The following TRIM24 variants were observed in gnomAD, a reference collection of about 807,000 sequenced individuals.
TRIM24 encodes transcription intermediary factor 1-alpha.
TRIM24 carries 29 observed loss-of-function variants against 123.9 expected under a neutral mutation model. The ratio of observed to expected loss-of-function variants is 0.23; its 90% CI spans 0.17 to 0.32. The LOEUF is 0.32. TRIM24 is among the 10% of genes least tolerant of loss of function. The pLI, the probability that TRIM24 is intolerant of heterozygous loss-of-function variation, is 1.00. For synonymous variants in TRIM24, 456 were observed against 461.1 expected, an observed-to-expected ratio of 0.99 and a Z score of 0.14; for missense variants, 932 against 1,295.3, an observed-to-expected ratio of 0.72 and a Z score of 4.31.
intron 1 of TRIM24, among the ~76,000 whole-genome samples, chr7:138,468,425 A>T (rs1158890270): frequency 1.3e-5 from 2 of 151,828 alleles, no homozygotes; most frequent in Non-Finnish European, 2.9e-5. Flanking sequence ...GCTTCCTATA[A>T]TGCTATGTTA....
intron 7 of TRIM24, among the ~76,000 whole-genome samples, chr7:138,546,226 G>A (rs1797099739): frequency 6.6e-6 from 1 of 152,108 alleles, no homozygotes; most frequent in African/African-American, 2.4e-5. Context: ...TCATTTGTGT[G>A]GTATTCTTGC....
chr7:138,561,526 G>A (rs953733981), intron 9 of TRIM24, among the ~76,000 whole-genome samples: 4 of 152,132 alleles, frequency 2.6e-5, no homozygotes, highest in South Asian at 2.1e-4. Flanking sequence ...AGTTATAACC[G>A]AGTGCAGTAC....
chr7:138,512,330 C>G (rs1384058854), intron 2 of TRIM24, among the ~76,000 whole-genome samples: 1 of 152,184 alleles, frequency 6.6e-6, no homozygotes, highest in African/African-American at 2.4e-5. Context: ...GCTTTCTTCT[C>G]ACAGCTCACT....
intron 11 of TRIM24, among the ~76,000 whole-genome samples, chr7:138,572,440 C>T (rs2116673982): frequency 7.9e-6 from 1 of 126,012 alleles, no homozygotes; most frequent in Admixed American, 7.6e-5. Context: ...GATTTCCCTG[C>T]CCCCGAACCC....
chr7:138,478,853 C>CT (rs1795463756), intron 1 of TRIM24, among the ~76,000 whole-genome samples: 1 of 152,152 alleles, frequency 6.6e-6, no homozygotes, highest in Non-Finnish European at 1.5e-5. Flanking sequence ...ATTAGTTAAG[C>CT]TTAAGTTCAC....
intron 9 of TRIM24, among the ~76,000 whole-genome samples, chr7:138,560,626 G>A (rs987786969): frequency 5.9e-5 from 9 of 152,190 alleles, no homozygotes; most frequent in African/African-American, 1.9e-4. Flanking sequence ...CATAGAAATG[G>A]TGTCCAAGTA....
At position 138,464,178 on chromosome 7, in the gene TRIM24, A is replaced by G. The variant is rs915872926; in HGVS notation, c.364+3266A>G. On this transcript the variant is annotated intron_variant, in intron 1 of 18. Coordinates refer to ENST00000343526, the MANE Select transcript of TRIM24 (RefSeq NM_015905.3). ...CCCGGCTAATTTTTTTATATTTTTT[A>G]GTAGAGACGGGGTTTCACCGTGTTA... is the stretch of plus-strand genomic sequence containing the variant. Among the ~76,000 whole-genome samples, 8 of 150,978 alleles carry G rather than the reference A, an allele frequency of 5.3e-5. 1 individual carries two copies. Among genetic ancestry groups the G allele is most frequent in the Admixed American group, 5.3e-4 (8 of 15,134 alleles).
intron 6 of TRIM24, 100 bp downstream of exon 6, chr7:138,529,330 G>A (rs1376065057): frequency 2.8e-5 from 17 of 615,748 alleles, no homozygotes; most frequent in Admixed American, 2.3e-4. Context: ...TTGTTTCATT[G>A]TGATTTAATA....
At chr7:138,483,094 A>T (rs1417096756) in intron 1 of TRIM24, among the ~76,000 whole-genome samples, 9 of 149,892 alleles carry the variant, frequency 6.0e-5, no homozygotes, top group African/African-American at 2.2e-4. Context: ...ATTTTTCCTC[A>T]TTTTTGTAGC....
In TRIM24 at chr7:138,554,714, G is replaced by A; in HGVS notation, c.1278G>A (p.Glu426=). 5 of 1,614,062 alleles carry A rather than the reference G, an allele frequency of 3.1e-6. No individual in the cohort carries two copies. The highest frequency in any genetic ancestry group is 4.2e-6 in the Non-Finnish European group (5 of 1,179,948). Residue 426 remains glutamate, a synonymous_variant, in exon 9 of 19, where the codon GAG becomes GAA. Coordinates refer to ENST00000343526, the MANE Select transcript of TRIM24 (RefSeq NM_015905.3). The surrounding 1 kb of genome is among the most constrained non-coding windows in gnomAD (Gnocchi z 4.5). ...TTTAATTAGGTTCTTTAGTAATCGA[G>A]GATAAAGAGAGCCAGCCACAAATGC... The part of the protein sequence containing the change: ...NIINLGSLVI[E]DKESQPQMPK...
chr7:138,480,746 GTTGGCTCAGATGTAGATGTTC>G lies in TRIM24; in HGVS notation c.364+19835_364+19855del, dbSNP rs568986890. Among the ~76,000 whole-genome samples the G allele has an allele frequency of 9.2e-5, 14 of 152,206 alleles. No homozygotes were observed. The East Asian group carries it at 2.7e-3, about 29-fold the overall frequency. On this transcript the variant is annotated intron_variant, in intron 1 of 18. Coordinates refer to ENST00000343526, the MANE Select transcript of TRIM24 (RefSeq NM_015905.3). ...CCACTAGCAGTTCATGTATGTTCCT[GTTGGCTCAGATGTAGATGTTC>G]ACTAACATTTTGTATTATCAATCTT...
intron 1 of TRIM24, among the ~76,000 whole-genome samples, chr7:138,475,029 GA>G (rs977596603): frequency 2.0e-5 from 3 of 152,180 alleles, no homozygotes; most frequent in African/African-American, 7.2e-5. Context: ...TCATTTATGT[GA>G]ATACTTCCTG....
chr7:138,521,174 T>C (rs112627078), intron 4 of TRIM24, among the ~76,000 whole-genome samples: 3,243 of 152,282 alleles, frequency 0.021, 94 homozygotes, highest in African/African-American at 0.071. Flanking sequence ...TAAACTCTCA[T>C]TTAAAGTACC....
At position 138,582,396 on chromosome 7, in the gene TRIM24, G is replaced by C. The variant is rs1164578509; in HGVS notation, c.2793+625G>C. ...TCTCTACTAAAAATACAAAAAATTA[G>C]CCAGGTGTGGTGGCAGGCGCCTGTA... is the stretch of plus-strand genomic sequence containing the variant. On this transcript the variant is annotated intron_variant, in intron 17 of 18. Coordinates refer to ENST00000343526, the MANE Select transcript of TRIM24 (RefSeq NM_015905.3). 2.6e-5 allele frequency among the ~76,000 whole-genome samples: 4 copies of C among 152,122 alleles called. No homozygotes were observed. The East Asian group carries it at 7.7e-4, about 29-fold the overall frequency.
chr7:138,508,692 T>TGTGTGTGTGTGCGCGCGCGC (rs1422176564), intron 2 of TRIM24, among the ~76,000 whole-genome samples: 47 of 137,268 alleles, frequency 3.4e-4, no homozygotes, highest in African/African-American at 1.1e-3. Context: ...TGTGTGTGTG[T>TGTGTGTGTGTGCGCGCGCGC]GCGCGCGCGT....
chr7:138,583,310 G>GCTTC (rs1797941777), intron 17 of TRIM24, among the ~76,000 whole-genome samples: 4 of 152,200 alleles, frequency 2.6e-5, no homozygotes, highest in Non-Finnish European at 5.9e-5. Context: ...AATATGTGAA[G>GCTTC]ACAAGTTTTT....
intron 6 of TRIM24, among the ~76,000 whole-genome samples, chr7:138,537,159 T>C (rs1306850837): frequency 6.6e-6 from 1 of 152,170 alleles, no homozygotes; most frequent in Non-Finnish European, 1.5e-5. Context: ...CGCCTTGTGC[T>C]TCCCGGGTGA....
chr7:138,578,493 T>C (rs1199242616), intron 14 of TRIM24, among the ~76,000 whole-genome samples: 2 of 151,670 alleles, frequency 1.3e-5, no homozygotes, highest in African/African-American at 2.4e-5. Flanking sequence ...TAATCAAAAC[T>C]AAGTTAAAGG....
chr7:138,550,376 G>A (rs756301527), intron 7 of TRIM24, among the ~76,000 whole-genome samples: 2 of 151,340 alleles, frequency 1.3e-5, no homozygotes, highest in Non-Finnish European at 2.9e-5. Context: ...TGGGTTTGTA[G>A]GATTATTGGT....
Sources: gnomAD v4.1 joint callset for allele counts (sites outside exome capture counted in the v4.1 genomes callset) on GRCh38, gnomAD v4.1.1 for gene constraint, Gnocchi (gnomAD v3.1) non-coding constraint, MANE v1.5 for transcripts, NCBI Gene and HGNC (gene_info 2026-07-23, HGNC 2026-07-21) for gene names.